ASH1L: variants seen among roughly 807,000 people sequenced by gnomAD.
ASH1L encodes the protein ASH1 like histone lysine methyltransferase.
Under a neutral mutation model 269.0 loss-of-function variants are expected in ASH1L, and 23 were observed. The ratio of observed to expected loss-of-function variants is 0.09; its 90% confidence interval spans 0.06 to 0.12. The LOEUF is 0.12. Among genes scored for constraint, ASH1L ranks in the 10% least tolerant of loss-of-function variants. ASH1L has a pLI of 1.00. For missense variants in ASH1L, 2,912 were observed against 3,567.8 expected (o/e 0.82, Z 4.68); for synonymous variants, 1,187 against 1,253.5 (o/e 0.95, Z 1.12).
chr1:155,482,827 T>G (rs1233800754), intron 2 of ASH1L, among the ~76,000 whole-genome samples: 1 of 152,188 alleles, frequency 6.6e-6, no homozygotes, highest in African/African-American at 2.4e-5. Flanking sequence ...TATTTTTAGT[T>G]ACAGTATCCT....
rs1665711140 is a variant in ASH1L at position 155,478,253 on chromosome 1, G to A, written c.4617C>T (p.Ser1539=). The change falls in exon 3 of 28, where the codon TCC becomes TCT. Residue 1539 remains serine, a synonymous_variant. Transcript: ENST00000392403. This position sits in a 1 kb window ranked among gnomAD's most constrained non-coding sequence, Gnocchi z 4.6. The part of the protein sequence containing the change: ...KHKEKHRCHM[S]CPHLSPSKSL... ...TTTTTGAAGGAGAGAGATGAGGGCA[G>A]GACATGTGACAACGGTGCTTTTCCT... 1 of 1,614,100 alleles carries A rather than the reference G, an allele frequency of 6.2e-7. No homozygotes were observed. Among genetic ancestry groups the A allele is most frequent in the Non-Finnish European group, 8.5e-7 (1 of 1,180,024 alleles).
chr1:155,423,756 A>G (rs1296920848), intron 5 of ASH1L, among the ~76,000 whole-genome samples: 1 of 152,034 alleles, frequency 6.6e-6, no homozygotes, highest in African/African-American at 2.4e-5. Context: ...TTTGAGACGG[A>G]GTCTCAGTCT....
chr1:155,496,499 A>G (rs1269007710), intron 2 of ASH1L, among the ~76,000 whole-genome samples: 1 of 152,256 alleles, frequency 6.6e-6, no homozygotes, highest in Non-Finnish European at 1.5e-5. Context: ...GTGTATGGTA[A>G]TATAAAATCT....
chr1:155,529,589 G>C (rs1669520125), intron 1 of ASH1L, among the ~76,000 whole-genome samples: 1 of 151,778 alleles, frequency 6.6e-6, no homozygotes, highest in Non-Finnish European at 1.5e-5. Flanking sequence ...TTAGACCTTT[G>C]TCAGATGCAT....
At chr1:155,520,255 G>A (rs1668785274) in intron 2 of ASH1L, 1 of 151,624 alleles carries the variant, frequency 6.6e-6, no homozygotes, top group South Asian at 2.0e-4. Flanking sequence ...AGGGGGCTGA[G>A]GCAGGAGAAT....
chr1:155,435,881 T>A (rs531665187), intron 5 of ASH1L, among the ~76,000 whole-genome samples: 3 of 152,156 alleles, frequency 2.0e-5, no homozygotes, highest in Admixed American at 2.0e-4. Flanking sequence ...TGAAACCTCG[T>A]CTCTACTAAA....
rs537250705 is a variant in ASH1L at position 155,552,424 on chromosome 1, C to T, written c.-100+9729G>A. Among the ~76,000 whole-genome samples the T allele has an allele frequency of 1.7e-3, 253 of 152,300 alleles. 1 individual carries two copies. The highest frequency in any genetic ancestry group is 5.8e-3 in the African/African-American group (242 of 41,570). ...GAGTTTGCAGTGAGCCGAGATCGCGCCACTGCACTCCAGCCTAGCCGACAA... is the reference window on the plus strand; with the variant it reads ...GAGTTTGCAGTGAGCCGAGATCGCGTCACTGCACTCCAGCCTAGCCGACAA... On this transcript the variant is annotated intron_variant, in intron 1 of 27. Transcript: ENST00000392403.
rs368800129 is a variant in ASH1L at position 155,411,586 on chromosome 1, AAT to A, written c.6008+4156_6008+4157del. On this transcript the variant is annotated intron_variant, in intron 6 of 27. Transcript: ENST00000392403. Reference sequence around the variant, plus strand: ...AAATATGAATATAAATAAATAAATAAATATATATATATATATATATATATATA... The same window carrying A: ...AAATATGAATATAAATAAATAAATAAATATATATATATATATATATATATA... Among the ~76,000 whole-genome samples the A allele has an allele frequency of 2.0e-3, 110 of 55,176 alleles. 5 individuals carry two copies. The East Asian group carries it at 0.026, about 13-fold the overall frequency. 36.2% of individuals were successfully genotyped at this position (55,176 alleles called of 152,430 possible).
At chr1:155,386,586 G>T (rs964632302) in intron 7 of ASH1L, among the ~76,000 whole-genome samples, 5 of 150,136 alleles carry the variant, frequency 3.3e-5, no homozygotes, top group African/African-American at 1.2e-4. Context: ...TAGAGACGGG[G>T]TTTCACCATG....
intron 3 of ASH1L, among the ~76,000 whole-genome samples, chr1:155,469,030 C>T (rs1664896003): frequency 6.6e-6 from 1 of 152,124 alleles, no homozygotes; most frequent in South Asian, 2.1e-4. Context: ...GTCTGCATTT[C>T]CTAACTTCCA....
chr1:155,422,893 C>T (rs1660821015), intron 5 of ASH1L, among the ~76,000 whole-genome samples: 1 of 151,736 alleles, frequency 6.6e-6, no homozygotes, highest in African/African-American at 2.4e-5. Context: ...CAAATGATCG[C>T]CTGCCTCGGC....
At chr1:155,362,744 T>A (rs1180926783) in intron 12 of ASH1L, among the ~76,000 whole-genome samples, 1 of 152,198 alleles carries the variant, frequency 6.6e-6, no homozygotes, top group Non-Finnish European at 1.5e-5. Flanking sequence ...ATATCTATTT[T>A]ATATATGAAG....
At chr1:155,425,958 G>A (rs184155462) in intron 5 of ASH1L, among the ~76,000 whole-genome samples, 1,953 of 151,038 alleles carry the variant, frequency 0.013, 25 homozygotes, top group Non-Finnish European at 0.018. Context: ...GCGCGATCTC[G>A]GCTCACTGCA....
At chr1:155,525,234 G>A (rs867567051) in intron 1 of ASH1L, among the ~76,000 whole-genome samples, 9 of 151,830 alleles carry the variant, frequency 5.9e-5, no homozygotes, top group Admixed American at 4.6e-4. Flanking sequence ...GCAACAGAGC[G>A]AGACCCTATC....
intron 2 of ASH1L, among the ~76,000 whole-genome samples, chr1:155,508,162 A>G (rs1182232291): frequency 7.2e-5 from 11 of 152,214 alleles, no homozygotes; most frequent in Admixed American, 7.2e-4. Context: ...TGTGACTTCC[A>G]TCTCTACTTT....
Position 155,343,419 on chromosome 1 carries a change from G to T in ASH1L, c.8188C>A (p.Arg2730=). 1 of 1,614,150 alleles carries T rather than the reference G, an allele frequency of 6.2e-7. No individual in the cohort carries two copies. Residue 2730 remains arginine (R), a synonymous_variant, in exon 24 of 28, where the codon CGG becomes AGG. Transcript: ENST00000392403. This position sits in a 1 kb window ranked among gnomAD's most constrained non-coding sequence, Gnocchi z 6.1. ...CGAAATAGTTCATTATGATAGAACC[G>T]ACGGGATGGAGAGTGGTGTGTTTCG... ...PHETHHSPSR[R]FYHNELFRVP...
In ASH1L at chr1:155,411,586, A is replaced by ATATATATATATATAT. The variant is rs1558075618; in HGVS notation, c.6008+4157_6008+4158insATATATATATATATA. Among the ~76,000 whole-genome samples the ATATATATATATATAT allele has an allele frequency of 1.3e-3, 69 of 55,094 alleles. 1 individual carries two copies. Among genetic ancestry groups the ATATATATATATATAT allele is most frequent in the African/African-American group, 2.8e-3 (35 of 12,644 alleles). The allele number at this position is 55,094 out of a possible 152,430, so 36.1% of individuals were successfully genotyped here. A position where few individuals can be genotyped will look rare whatever the true frequency, so the allele number is the denominator to read the frequency against. On this transcript the variant is annotated intron_variant, in intron 6 of 27. Coordinates refer to ENST00000392403, the MANE Select transcript of ASH1L (RefSeq NM_018489.3). ...AAATATGAATATAAATAAATAAATA[A>ATATATATATATATAT]ATATATATATATATATATATATATA...
At chr1:155,556,862 G>A (rs1164734538) in intron 1 of ASH1L, among the ~76,000 whole-genome samples, 1 of 152,128 alleles carries the variant, frequency 6.6e-6, no homozygotes, top group Non-Finnish European at 1.5e-5. Flanking sequence ...GCAACACGGT[G>A]AGACTCCATC....
chr1:155,376,309 T>C (rs1656437444), intron 10 of ASH1L, among the ~76,000 whole-genome samples: 1 of 152,172 alleles, frequency 6.6e-6, no homozygotes, highest in Non-Finnish European at 1.5e-5. Flanking sequence ...AAAACATTGA[T>C]TCCCTTCAGA....
Sources: gnomAD v4.1 joint callset for allele counts (sites outside exome capture counted in the v4.1 genomes callset) on GRCh38, gnomAD v4.1.1 for gene constraint, Gnocchi (gnomAD v3.1) non-coding constraint, MANE v1.5 for transcripts, NCBI Gene and HGNC (gene_info 2026-07-23, HGNC 2026-07-21) for gene names.